The following SETD1A variants were observed in gnomAD, a reference collection of about 807,000 sequenced individuals.
The protein encoded by SETD1A is histone-lysine N-methyltransferase SETD1A.
In SETD1A, 29 loss-of-function variants were observed where a neutral mutation model predicts 149.9. The observed-to-expected ratio is 0.19, with a 90% confidence interval of 0.14 to 0.26. The LOEUF (loss-of-function observed/expected upper bound fraction) is 0.26. SETD1A is among the 10% of genes least tolerant of loss of function. SETD1A has a pLI of 1.00. For missense variants in SETD1A, 2,109 were observed against 2,353.1 expected (o/e 0.90, Z 2.15); for synonymous variants, 1,141 against 968.5 (o/e 1.18, Z -3.31).
chr16:30,981,227 C>T (rs2056373484), intron 17 of SETD1A, 47 bp downstream of exon 17: 1 of 1,608,786 alleles, frequency 6.2e-7, no homozygotes, highest in Admixed American at 1.7e-5. Context: ...TGCAACAAGA[C>T]AGCATGGGGG....
At chr16:30,959,218 T>G (rs1287154610) in intron 3 of SETD1A, 32 bp downstream of exon 3, 4 of 1,380,312 alleles carry the variant, frequency 2.9e-6, no homozygotes, top group Non-Finnish European at 4.1e-6. Flanking sequence ...GGTGTGGTAG[T>G]CCTAAGAGGG....
At chr16:30,974,264 TC>T (rs1459247768) in intron 13 of SETD1A, among the ~76,000 whole-genome samples, 1 of 152,180 alleles carries the variant, frequency 6.6e-6, no homozygotes, top group African/African-American at 2.4e-5. Context: ...CCCTTGGGCT[TC>T]CCAGTAGAAA....
intron 4 of SETD1A, among the ~76,000 whole-genome samples, chr16:30,962,187 C>T (rs1040559314): frequency 6.6e-6 from 1 of 151,700 alleles, no homozygotes; most frequent in Admixed American, 6.6e-5. Flanking sequence ...GCCTCAGCCT[C>T]TTGAGTAGCT....
chr16:30,969,089 CAG>C (rs2056191087), intron 10 of SETD1A, among the ~76,000 whole-genome samples: 1 of 152,158 alleles, frequency 6.6e-6, no homozygotes, highest in African/African-American at 2.4e-5. Flanking sequence ...GCCTGAGTGA[CAG>C]AGCAAGACCC....
Position 30,964,277 on chromosome 16 carries a change from T to C in SETD1A, c.823T>C (p.Ser275Pro). Residue 275 changes from serine to proline, a missense_variant, in exon 6 of 19, where the codon TCT becomes CCT. By Grantham distance (74) the Ser-to-Pro change is moderately conservative. Coordinates refer to ENST00000262519, the MANE Select transcript of SETD1A (RefSeq NM_014712.3). ...GTCCTCCCAAGGAACCCCCTACACG[T>C]CTCGGGGCAGCACCCCCTACTCTCA... is the stretch of plus-strand genomic sequence containing the variant. ...PQSSQGTPYT[S>P]RGSTPYSQDS... 6.2e-7 allele frequency: 1 copy of C among 1,613,868 alleles called. No individual in the cohort carries two copies. Among genetic ancestry groups the C allele is most frequent in the African/African-American group, 1.3e-5 (1 of 74,966 alleles).
At chr16:30,967,631 G>A (rs748613896) in intron 10 of SETD1A, 43 bp downstream of exon 10, 18 of 1,550,170 alleles carry the variant, frequency 1.2e-5, no homozygotes, top group Middle Eastern at 1.7e-4. Context: ...TGCTGCGTGG[G>A]TTCTGATGGG....
At position 30,980,916 on chromosome 16, in the gene SETD1A, A is replaced by G. The variant is rs2056368155; in HGVS notation, c.4692+67A>G. 1 of 1,557,582 alleles carries G rather than the reference A, an allele frequency of 6.4e-7. No homozygotes were observed. Reference sequence around the variant, plus strand: ...GGCAGGAAGGGGCAGAGGCCAGGGGACCACCCAGCAGGCTCCTGTGGTTCC... The same window carrying G: ...GGCAGGAAGGGGCAGAGGCCAGGGGGCCACCCAGCAGGCTCCTGTGGTTCC... On this transcript the variant is annotated intron_variant, in intron 16 of 18. Coordinates refer to ENST00000262519, the MANE Select transcript of SETD1A (RefSeq NM_014712.3). This position sits in a 1 kb window ranked among gnomAD's most constrained non-coding sequence, Gnocchi z 7.7.
intron 13 of SETD1A, among the ~76,000 whole-genome samples, chr16:30,978,717 T>C (rs2056318097): frequency 6.6e-6 from 1 of 152,280 alleles, no homozygotes; most frequent in Non-Finnish European, 1.5e-5. Context: ...ATGGATATTT[T>C]AGCTGAAATG....
chr16:30,976,347 C>T (rs574539599), intron 13 of SETD1A, among the ~76,000 whole-genome samples: 34 of 152,142 alleles, frequency 2.2e-4, no homozygotes, highest in South Asian at 2.1e-4. Context: ...GTGATTGTGC[C>T]GCTGCACTGT....
Position 30,965,230 on chromosome 16 carries a change from G to A in SETD1A, c.1488G>A (p.Leu496=). The change falls in exon 7 of 19, where the codon CTG becomes CTA. Residue 496 remains leucine, a synonymous_variant. Coordinates refer to ENST00000262519, the MANE Select transcript of SETD1A (RefSeq NM_014712.3). ...TGGATTCCCGCATCGAGATGCTGCT[G>A]AAGGAGCAGCGCTCCAAGTTTTCCT... ...SSLDSRIEML[L]KEQRSKFSFL... 1 of 1,614,196 alleles carries A rather than the reference G, an allele frequency of 6.2e-7. No homozygotes were observed. The highest frequency in any genetic ancestry group is 1.1e-5 in the South Asian group (1 of 91,082).
At position 30,966,385 on chromosome 16, in the gene SETD1A, A is replaced by G; in HGVS notation, c.2504A>G (p.Lys835Arg). Residue 835 changes from lysine (K) to arginine (R), a missense_variant and splice_region_variant, in exon 8 of 19, where the codon AAG becomes AGG. Lys to Arg is a conservative substitution (Grantham distance 26). Around this residue, in one of 8 missense-constraint regions of SETD1A, gnomAD observed 832 missense variants for 815.6 expected, o/e 1.02. Coordinates refer to ENST00000262519, the MANE Select transcript of SETD1A (RefSeq NM_014712.3). ...TGGGAGAGCAAGGAGGAGAAGGCCAAGGTGAGGCCAGCGCCTGGGACCGGG... is the reference window on the plus strand; with the variant it reads ...TGGGAGAGCAAGGAGGAGAAGGCCAGGGTGAGGCCAGCGCCTGGGACCGGG... ...QWWESKEEKAKPFQNAAKQQA... is the reference protein window; with the variant it reads ...QWWESKEEKARPFQNAAKQQA... The G allele has an allele frequency of 6.2e-7, 1 of 1,602,854 alleles. No individual in the cohort carries two copies. Among genetic ancestry groups the G allele is most frequent in the Non-Finnish European group, 8.5e-7 (1 of 1,173,498 alleles).
In SETD1A at chr16:30,965,837, A is replaced by G. The variant is rs1184537986; in HGVS notation, c.1956A>G (p.Pro652=). Residue 652 remains proline (P), a synonymous_variant, in exon 8 of 19, where the codon CCA becomes CCG. Coordinates refer to ENST00000262519, the MANE Select transcript of SETD1A (RefSeq NM_014712.3). ...PPPEYPPPPP[P]PPHIYDFVNS... is the part of the protein sequence containing the mutation. ...CTGAGTACCCCCCACCTCCTCCACC[A>G]CCCCCGCACATCTATGACTTTGTGA... 2 of 1,115,318 alleles carry G rather than the reference A, an allele frequency of 1.8e-6. No homozygotes were observed. The highest frequency in any genetic ancestry group is 2.4e-6 in the Non-Finnish European group (2 of 848,006). 69.1% of individuals were successfully genotyped at this position (1,115,318 alleles called of 1,614,324 possible).
rs1359907705 is a variant in SETD1A, at chr16:30,983,395, G to T, written c.4813-240G>T. On this transcript the variant is annotated intron_variant, in intron 17 of 18. Coordinates refer to ENST00000262519, the MANE Select transcript of SETD1A (RefSeq NM_014712.3). The surrounding 1 kb of genome is among the most constrained non-coding windows in gnomAD (Gnocchi z 6.8). ...GTCAGTGGCTCTCTTACCCAGTGCA[G>T]ATTTCCCTGGAGTTCCCTGCGGGTG... Among the ~76,000 whole-genome samples the T allele has an allele frequency of 6.6e-6, 1 of 152,210 alleles. No individual in the cohort carries two copies. The highest frequency in any genetic ancestry group is 1.5e-5 in the Non-Finnish European group (1 of 68,040).
At position 30,965,702 on chromosome 16, in the gene SETD1A, T is replaced by TCCCCCCCCC; in HGVS notation, c.1826_1827insCCCCCCCCC (p.Pro614_Pro616dup). ...CGCCCCCTCAGCAGCCTCCGCCACC[T>TCCCCCCCCC]CCCCCTCCCCCGCCGCCTCCTCCTC... On this transcript the variant is annotated inframe_insertion, in exon 8 of 19. Coordinates refer to ENST00000262519, the MANE Select transcript of SETD1A (RefSeq NM_014712.3). The TCCCCCCCCC allele has an allele frequency of 6.8e-6, 3 of 444,056 alleles. No individual in the cohort carries two copies. The highest frequency in any genetic ancestry group is 3.5e-5 in the South Asian group (1 of 28,844). 27.5% of individuals were successfully genotyped at this position (444,056 alleles called of 1,614,324 possible). A position where few individuals can be genotyped will look rare whatever the true frequency, so the allele number is the denominator to read the frequency against.
At position 30,981,202 on chromosome 16, in the gene SETD1A, C is replaced by T. The variant is rs776098709; in HGVS notation, c.4812+22C>T. 3.0e-5 allele frequency: 48 copies of T among 1,613,026 alleles called. No homozygotes were observed. The East Asian group carries it at 6.9e-4, about 23-fold the overall frequency. On this transcript the variant is annotated intron_variant, in intron 17 of 18. Coordinates refer to ENST00000262519, the MANE Select transcript of SETD1A (RefSeq NM_014712.3). ...TCAGGTGAGGCTGCACTCCCAGCCC[C>T]GCCCCGGCTTCTGATGCAACAAGAC...
chr16:30,965,087 C>T lies in SETD1A; in HGVS notation c.1345C>T (p.Pro449Ser). 1 of 1,611,318 alleles carries T rather than the reference C, an allele frequency of 6.2e-7. No individual in the cohort carries two copies. The highest frequency in any genetic ancestry group is 1.1e-5 in the South Asian group (1 of 91,040). Residue 449 changes from proline (P) to serine (S), a missense_variant, in exon 7 of 19, where the codon CCC becomes TCC. Physicochemically the swap from Pro to Ser is moderately conservative, Grantham distance 74. Coordinates refer to ENST00000262519, the MANE Select transcript of SETD1A (RefSeq NM_014712.3). ...EPGGGGGGGGPSPEREEVRTS... is the reference protein window; with the variant it reads ...EPGGGGGGGGSSPEREEVRTS... Reference sequence around the variant, plus strand: ...TGGTGGAGGCGGGGGTGGAGGAGGGCCCAGCCCTGAGAGAGAAGAAGTTCG... The same window carrying T: ...TGGTGGAGGCGGGGGTGGAGGAGGGTCCAGCCCTGAGAGAGAAGAAGTTCG...
Position 30,981,150 on chromosome 16 carries a change from C to A in SETD1A, c.4782C>A (p.Val1594=), listed in dbSNP as rs2056372166. The change falls in exon 17 of 19, where the codon GTC becomes GTA. Residue 1594 remains valine (V), a synonymous_variant. Coordinates refer to ENST00000262519, the MANE Select transcript of SETD1A (RefSeq NM_014712.3). ...AMEPIAADEM[V]IEYVGQNIRQ... is the part of the protein sequence containing the mutation. The stretch of plus-strand genomic sequence containing the variant: ...AACCCATTGCTGCTGACGAGATGGT[C>A]ATCGAATACGTGGGTCAGAACATCC... 6.2e-7 allele frequency: 1 copy of A among 1,614,186 alleles called. No individual in the cohort carries two copies. The highest frequency in any genetic ancestry group is 2.2e-5 in the East Asian group (1 of 44,880).
At chr16:30,959,584 T>C (rs959523136) in intron 3 of SETD1A, among the ~76,000 whole-genome samples, 3 of 152,136 alleles carry the variant, frequency 2.0e-5, no homozygotes, top group Non-Finnish European at 4.4e-5. Context: ...TTTGGCGATG[T>C]CATTTCCCTC....
rs746398916 is a variant in SETD1A at position 30,961,494 on chromosome 16, C to T, written c.474C>T (p.Thr158=). The T allele has an allele frequency of 5.5e-5, 88 of 1,614,004 alleles. No individual in the cohort carries two copies. Among genetic ancestry groups the T allele is most frequent in the Non-Finnish European group, 7.0e-5 (83 of 1,180,040 alleles). Residue 158 remains threonine (T), a synonymous_variant, in exon 4 of 19, where the codon ACC becomes ACT. Coordinates refer to ENST00000262519, the MANE Select transcript of SETD1A (RefSeq NM_014712.3). This position sits in a 1 kb window ranked among gnomAD's most constrained non-coding sequence, Gnocchi z 4.0. ...AKETVKNLHL[T]SVMGNIIHAQ... is the part of the protein sequence containing the mutation. ...AAACGGTCAAAAACCTCCACCTTAC[C>T]TCCGTCATGGGCAACATCATCCATG...
Sources: gnomAD v4.1 joint callset for allele counts (sites outside exome capture counted in the v4.1 genomes callset) on GRCh38, gnomAD v4.1.1 for gene constraint, gnomAD v4.1.1 regional missense constraint, Gnocchi (gnomAD v3.1) non-coding constraint, MANE v1.5 for transcripts, NCBI Gene and HGNC (gene_info 2026-07-23, HGNC 2026-07-21) for gene names.